The following WDR27 variants were observed in gnomAD, a reference collection of about 807,000 sequenced individuals.
WDR27 encodes the protein WD repeat-containing protein 27.
WDR27 carries 100 observed loss-of-function variants against 114.4 expected under a neutral mutation model. That is an observed-to-expected ratio of 0.87 (90% CI 0.74 to 1.03). The LOEUF is 1.03. WDR27 is among the 50% of genes least tolerant of loss of function. The pLI is 0.00. For synonymous variants in WDR27, 449 were observed against 423.1 expected, an observed-to-expected ratio of 1.06 and a Z score of -0.75; for missense variants, 1,129 against 1,092.9, an observed-to-expected ratio of 1.03 and a Z score of -0.47.
chr6:169,621,602 CCA>C (rs1174071116), intron 21 of WDR27, among the ~76,000 whole-genome samples: 1 of 144,370 alleles, frequency 6.9e-6, no homozygotes, highest in Non-Finnish European at 1.5e-5. Flanking sequence ...ATATACATAC[CCA>C]CACATGCATT....
chr6:169,651,851 G>A (rs1822664712), intron 14 of WDR27, 79 bp downstream of exon 14: 1 of 1,273,640 alleles, frequency 7.9e-7, no homozygotes, highest in Non-Finnish European at 1.1e-6. Context: ...GGGGATGTAT[G>A]TGTGTCCCTA....
chr6:169,550,334 T>A (rs1797932292), intron 25 of WDR27, among the ~76,000 whole-genome samples: 1 of 152,218 alleles, frequency 6.6e-6, no homozygotes, highest in South Asian at 2.1e-4. Context: ...CATGAAATGG[T>A]AGTCTAGGCT....
intron 25 of WDR27, among the ~76,000 whole-genome samples, chr6:169,475,463 T>A (rs926602774): frequency 6.6e-6 from 1 of 152,190 alleles, no homozygotes; most frequent in Non-Finnish European, 1.5e-5. Context: ...CCTCAGGTGA[T>A]CCACCCGCCT....
intron 25 of WDR27, among the ~76,000 whole-genome samples, chr6:169,468,375 G>A (rs1785884885): frequency 1.3e-5 from 2 of 152,184 alleles, no homozygotes; most frequent in South Asian, 4.1e-4. Context: ...CAGTGCTGGG[G>A]AGGCCTCAGG....
intron 25 of WDR27, among the ~76,000 whole-genome samples, chr6:169,472,703 T>C (rs1399331415): frequency 1.3e-5 from 2 of 152,222 alleles, no homozygotes; most frequent in African/African-American, 4.8e-5. Flanking sequence ...AATAAACTAA[T>C]ATTTATAGAG....
intron 24 of WDR27, among the ~76,000 whole-genome samples, chr6:169,579,474 A>C (rs1203416915): frequency 6.6e-6 from 1 of 152,112 alleles, no homozygotes; most frequent in Non-Finnish European, 1.5e-5. Context: ...CTGGGTCATG[A>C]CCCTGCTGAT....
chr6:169,429,072 A>C, the WDR27 span, among the ~76,000 whole-genome samples: 3 of 152,164 alleles, frequency 2.0e-5, no homozygotes, highest in Non-Finnish European at 4.4e-5. Context: ...TCTTGCCCTC[A>C]GCAGCCCCTC....
At chr6:169,560,172 C>T (rs1003381416) in intron 25 of WDR27, among the ~76,000 whole-genome samples, 2 of 152,108 alleles carry the variant, frequency 1.3e-5, no homozygotes, top group Non-Finnish European at 2.9e-5. Flanking sequence ...CTGTCTTTCC[C>T]GTGCTGTTCT....
chr6:169,603,339 C>T lies in WDR27; in HGVS notation c.2322-1018G>A, dbSNP rs989755369. Among the ~76,000 whole-genome samples, 5 of 151,972 alleles carry T rather than the reference C, an allele frequency of 3.3e-5. No individual in the cohort carries two copies. In the South Asian group the frequency reaches 1.0e-3, roughly 32 times the overall value. ...TTATAAAAATGTCATAAACATTTGT[C>T]ACAATATTTGTCATAAATTTAATTC... On this transcript the variant is annotated intron_variant, in intron 22 of 25. Coordinates refer to ENST00000448612, the MANE Select transcript of WDR27 (RefSeq NM_182552.5).
At chr6:169,594,818 T>C (rs2494674) in intron 23 of WDR27, among the ~76,000 whole-genome samples, 68,577 of 152,164 alleles carry the variant, frequency 0.45, 19,580 homozygotes, top group Non-Finnish European at 0.64. Context: ...GTATTCAGCA[T>C]GGACTCAGAT....
intron 25 of WDR27, among the ~76,000 whole-genome samples, chr6:169,544,256 T>C (rs1003584913): frequency 2.6e-5 from 4 of 151,922 alleles, no homozygotes; most frequent in African/African-American, 9.7e-5. Context: ...TAGGCAAGAG[T>C]AGGACAGATT....
In WDR27 at chr6:169,665,351, G is replaced by A. The variant is rs144858243; in HGVS notation, c.783+135C>T. 3.1e-3 allele frequency: 4,397 copies of A among 1,427,136 alleles called. 174 individuals carry two copies. The Admixed American group carries it at 0.089, about 29-fold the overall frequency. The allele number at this position is 1,427,136 out of a possible 1,614,324, so 88.4% of individuals were successfully genotyped here. A position where few individuals can be genotyped will look rare whatever the true frequency, so the allele number is the denominator to read the frequency against. On this transcript the variant is annotated intron_variant, in intron 7 of 25. Coordinates refer to ENST00000448612, the MANE Select transcript of WDR27 (RefSeq NM_182552.5). ...GACGCTGAGACCCACAGAAGGTCACGTTCTCAGCACTGAGGTGGACAGGTT... is the reference window on the plus strand; with the variant it reads ...GACGCTGAGACCCACAGAAGGTCACATTCTCAGCACTGAGGTGGACAGGTT...
intron 25 of WDR27, among the ~76,000 whole-genome samples, chr6:169,463,534 C>G (rs1181175130): frequency 6.6e-6 from 1 of 152,118 alleles, no homozygotes; most frequent in Non-Finnish European, 1.5e-5. Flanking sequence ...TATCAAAGTT[C>G]AAGCCAGAGC....
intron 25 of WDR27, among the ~76,000 whole-genome samples, chr6:169,466,619 A>C (rs1347881426): frequency 6.6e-6 from 1 of 152,114 alleles, no homozygotes; most frequent in Non-Finnish European, 1.5e-5. Flanking sequence ...TTGGGTGGGG[A>C]CACAGCCAAA....
intron 21 of WDR27, among the ~76,000 whole-genome samples, chr6:169,632,175 G>A (rs911539858): frequency 5.6e-5 from 8 of 142,432 alleles, no homozygotes; most frequent in East Asian, 2.0e-4. Context: ...GTGACAGAGC[G>A]AGAGACTCTG....
the WDR27 span, among the ~76,000 whole-genome samples, chr6:169,441,938 A>C: frequency 1.9e-5 from 2 of 104,882 alleles, no homozygotes; most frequent in African/African-American, 8.8e-5. Context: ...TTTAAAAAAG[A>C]GGACGGCTTT....
At chr6:169,445,623 T>A in the WDR27 span, among the ~76,000 whole-genome samples, 17 of 152,358 alleles carry the variant, frequency 1.1e-4, no homozygotes, top group East Asian at 3.3e-3. Context: ...GTTATTGCCA[T>A]GGAGCTTTCC....
In WDR27 at chr6:169,665,322, C is replaced by T. The variant is rs1366822004; in HGVS notation, c.783+164G>A. On this transcript the variant is annotated intron_variant, in intron 7 of 25. Coordinates refer to ENST00000448612, the MANE Select transcript of WDR27 (RefSeq NM_182552.5). ...GGGGCCCAGGACCATATTGAACCCA[C>T]AGTGACGCTGAGACCCACAGAAGGT... 8 of 1,403,412 alleles carry T rather than the reference C, an allele frequency of 5.7e-6. No homozygotes were observed. In the East Asian group the frequency reaches 1.8e-4, roughly 32 times the overall value. The allele number at this position is 1,403,412 out of a possible 1,614,324, so 86.9% of individuals were successfully genotyped here. A position where few individuals can be genotyped will look rare whatever the true frequency, so the allele number is the denominator to read the frequency against.
chr6:169,451,150 C>T, the WDR27 span, among the ~76,000 whole-genome samples: 2 of 152,162 alleles, frequency 1.3e-5, no homozygotes, highest in Non-Finnish European at 2.9e-5. Context: ...GCTTCCTCCG[C>T]CCTGTTGTTT....
Sources: gnomAD v4.1 joint callset for allele counts (sites outside exome capture counted in the v4.1 genomes callset) on GRCh38, gnomAD v4.1.1 for gene constraint, MANE v1.5 for transcripts, NCBI Gene and HGNC (gene_info 2026-07-23, HGNC 2026-07-21) for gene names.